The following TAF1 variants were observed in gnomAD, a reference collection of about 807,000 sequenced individuals.
TAF1 encodes the protein TATA-box binding protein associated factor 1, also known as transcription initiation factor TFIID subunit 1.
In TAF1, 2 loss-of-function variants were observed where a neutral mutation model predicts 138.5. The observed-to-expected ratio is 0.01, with a 90% CI of 0.01 to 0.05. TAF1 has a LOEUF of 0.05. TAF1 is among the 10% of genes least tolerant of loss of function. The pLI is 1.00. For missense variants in TAF1, 709 were observed against 1,478.0 expected (o/e 0.48, Z 8.53); for synonymous variants, 437 against 503.2 (o/e 0.87, Z 1.76).
intron 25 of TAF1, among the ~76,000 whole-genome samples, chrX:71,406,237 G>A (rs1478188494): frequency 1.9e-5 from 2 of 107,311 alleles, no homozygotes; most frequent in Non-Finnish European, 3.8e-5. Flanking sequence ...GCTGAGGCAG[G>A]AGAATCACTT....
intron 1 of TAF1, 85 bp downstream of exon 1, chrX:71,366,579 A>G (rs2032510055): frequency 9.3e-6 from 9 of 965,364 alleles, no homozygotes; most frequent in South Asian, 2.4e-5. Flanking sequence ...GAGGGTGCTC[A>G]GGCAGCGAGA....
intron 32 of TAF1, among the ~76,000 whole-genome samples, chrX:71,453,385 C>A (rs183998932): frequency 2.8e-4 from 12 of 42,977 alleles, no homozygotes; most frequent in African/African-American, 1.2e-3. Context: ...ATAGTGAGAC[C>A]CCCCCCCCAC....
intron 28 of TAF1, among the ~76,000 whole-genome samples, chrX:71,412,045 C>T (rs2035819937): frequency 9.0e-6 from 1 of 111,206 alleles, no homozygotes; most frequent in African/African-American, 3.3e-5. Context: ...AGGCATGAGC[C>T]ACCACGCCCG....
At chrX:71,436,728 AT>A (rs1214795984) in intron 32 of TAF1, among the ~76,000 whole-genome samples, 1 of 111,257 alleles carries the variant, frequency 9.0e-6, no homozygotes, top group Non-Finnish European at 1.9e-5. Flanking sequence ...TCATTGATCT[AT>A]TTGTCTAGTC....
chrX:71,509,422 G>A (rs1457906972), intron 13 of TAF1, among the ~76,000 whole-genome samples: 1 of 111,796 alleles, frequency 8.9e-6, no homozygotes, highest in African/African-American at 3.3e-5. Context: ...TTGGTGGTGA[G>A]AGAGTGTTAA....
At chrX:71,479,555 G>A (rs2039037426) in intron 13 of TAF1, among the ~76,000 whole-genome samples, 1 of 111,221 alleles carries the variant, frequency 9.0e-6, no homozygotes, top group African/African-American at 3.3e-5. Flanking sequence ...CTGGGTGATG[G>A]AGTGAGACTC....
rs747600361 is a variant in TAF1 at position 71,476,658 on chromosome X, CA to C, written c.1366+15868del. On this transcript the variant is annotated intron_variant and NMD_transcript_variant, in intron 13 of 14. Transcript: ENST00000373775. The stretch of plus-strand genomic sequence containing the variant: ...ACCCTCTCTCTCTTTCTCTCTCCCT[CA>C]AAAAAAAAAAAAGACATTTTAAAGC... Among the ~76,000 whole-genome samples, 577 of 91,864 alleles carry C rather than the reference CA, an allele frequency of 6.3e-3. 3 individuals are homozygous for C. The highest frequency in any genetic ancestry group is 0.016 in the Middle Eastern group (3 of 187). 79.8% of individuals were successfully genotyped at this position (91,864 alleles called of 115,157 possible).
chrX:71,383,754 G>C (rs2034039135), intron 12 of TAF1, among the ~76,000 whole-genome samples: 1 of 112,299 alleles, frequency 8.9e-6, no homozygotes, highest in African/African-American at 3.2e-5. Context: ...ATCTATGGTT[G>C]GTTGAAATCA....
chrX:71,378,673 G>A, intron 7 of TAF1, 151 bp from the exon 8 acceptor site: 2 of 702,525 alleles, frequency 2.8e-6, no homozygotes, highest in Non-Finnish European at 4.3e-6. Flanking sequence ...ACTAGGAGTG[G>A]GAAGAGGCAA....
intron 13 of TAF1, among the ~76,000 whole-genome samples, chrX:71,479,351 C>T (rs962090946): frequency 8.9e-6 from 1 of 111,933 alleles, no homozygotes; most frequent in African/African-American, 3.3e-5. Flanking sequence ...GCAGGAGGAT[C>T]ACTTGAGGCC....
intron 32 of TAF1, among the ~76,000 whole-genome samples, chrX:71,429,148 G>A (rs1235620483): frequency 1.8e-5 from 2 of 110,335 alleles, no homozygotes; most frequent in South Asian, 3.8e-4. Context: ...GGTGGCGGGC[G>A]CCTGTAGTCC....
intron 13 of TAF1, among the ~76,000 whole-genome samples, chrX:71,508,994 G>A (rs1286163967): frequency 9.3e-6 from 1 of 107,231 alleles, no homozygotes; most frequent in African/African-American, 3.4e-5. Context: ...TTTTTGTAGA[G>A]GTGGGGTCTC....
At chrX:71,523,780 G>A (rs754836182) in intron 13 of TAF1, among the ~76,000 whole-genome samples, 1 of 111,250 alleles carries the variant, frequency 9.0e-6, no homozygotes, top group East Asian at 2.8e-4. Context: ...AGATCTCTGT[G>A]CACCATGATT....
At chrX:71,494,037 A>C (rs1046277948) in intron 13 of TAF1, among the ~76,000 whole-genome samples, 1 of 111,719 alleles carries the variant, frequency 9.0e-6, no homozygotes, top group Non-Finnish European at 1.9e-5. Flanking sequence ...ACTTGAGGCA[A>C]GCTTGTCCAA....
rs773380245 is a variant in TAF1 at position 71,460,810 on chromosome X, G to A, written c.5399+7G>A. ...TGGAGGATAGCAACATCAGGTAATC[G>A]ACAGCAACATGCTACAGGGCTGTGG... On this transcript the variant is annotated splice_region_variant and intron_variant, in intron 37 of 37. Transcript: ENST00000423759. 40 of 1,178,039 alleles carry A rather than the reference G, an allele frequency of 3.4e-5. No homozygotes were observed. Among genetic ancestry groups the A allele is most frequent in the South Asian group, 3.8e-5 (2 of 53,070 alleles).
intron 34 of TAF1, among the ~76,000 whole-genome samples, chrX:71,457,769 A>AT (rs915739024): frequency 8.9e-6 from 1 of 112,053 alleles, no homozygotes; most frequent in African/African-American, 3.2e-5. Context: ...AAGGCCTATG[A>AT]TTTTTCACCA....
At chrX:71,424,814 G>A (rs1294008032) in intron 32 of TAF1, among the ~76,000 whole-genome samples, 3 of 110,945 alleles carry the variant, frequency 2.7e-5, no homozygotes, top group Non-Finnish European at 5.7e-5. Flanking sequence ...TAGTAGAAAC[G>A]GGGTTTCACT....
intron 34 of TAF1, among the ~76,000 whole-genome samples, chrX:71,456,792 C>T (rs1162651669): frequency 9.5e-6 from 1 of 104,844 alleles, no homozygotes; most frequent in African/African-American, 3.5e-5. Context: ...TCTCCTGCCT[C>T]AGCCTCCCGA....
At position 71,464,117 on chromosome X, in the gene TAF1, G is replaced by A; in HGVS notation, c.*71G>A. ...TAGGTGGTTCACCTTTCCCCAATTTGTTCATATTTGTACAGTATCTGATCC... is the reference window on the plus strand; with the variant it reads ...TAGGTGGTTCACCTTTCCCCAATTTATTCATATTTGTACAGTATCTGATCC... On this transcript the variant is annotated 3_prime_UTR_variant, in exon 38 of 38. Coordinates refer to ENST00000423759, the MANE Select transcript of TAF1 (RefSeq NM_004606.5). The A allele has an allele frequency of 1.0e-6, 1 of 977,094 alleles. No individual in the cohort carries two copies. Among genetic ancestry groups the A allele is most frequent in the Non-Finnish European group, 1.4e-6 (1 of 707,350 alleles). The allele number at this position is 977,094 out of a possible 1,213,427, so 80.5% of individuals were successfully genotyped here.
Sources: gnomAD v4.1 joint callset for allele counts (sites outside exome capture counted in the v4.1 genomes callset) on GRCh38, gnomAD v4.1.1 for gene constraint, MANE v1.5 for transcripts, NCBI Gene and HGNC (gene_info 2026-07-23, HGNC 2026-07-21) for gene names.